IRF2: variants seen among roughly 807,000 people sequenced by gnomAD.
IRF2 encodes the protein interferon regulatory factor 2.
Under a neutral mutation model 40.6 loss-of-function variants are expected in IRF2, and 15 were observed. The ratio of observed to expected loss-of-function variants is 0.37; its 90% confidence interval spans 0.25 to 0.57. The LOEUF (loss-of-function observed/expected upper bound fraction) is 0.57. IRF2 is among the 20% of genes least tolerant of loss of function. IRF2 has a pLI of 0.77. For synonymous variants in IRF2, 151 were observed against 165.5 expected (o/e 0.91, Z 0.67); for missense variants, 317 against 455.7 (o/e 0.70, Z 2.77).
intron 6 of IRF2, among the ~76,000 whole-genome samples, chr4:184,403,191 A>G (rs545031199): frequency 6.6e-6 from 1 of 152,316 alleles, no homozygotes; most frequent in South Asian, 2.1e-4. Context: ...GTGAAAGCCC[A>G]TGAGAGAAGC....
chr4:184,419,385 A>G, intron 3 of IRF2, 84 bp downstream of exon 3: 1 of 942,332 alleles, frequency 1.1e-6, no homozygotes, highest in East Asian at 2.4e-5. Flanking sequence ...TCATGAGGTC[A>G]TAAGCCAGGC....
intron 6 of IRF2, among the ~76,000 whole-genome samples, chr4:184,406,232 CT>C (rs11309106): frequency 0.3 from 40,367 of 134,196 alleles, 5,387 homozygotes; most frequent in East Asian, 0.37. Flanking sequence ...TACTTTTTAT[CT>C]TTTTTTTTTT....
rs1386127005 is a variant in IRF2 at position 184,388,023 on chromosome 4, G to T, written c.*735C>A. The T allele has an allele frequency of 6.6e-6, 1 of 152,614 alleles. No homozygotes were observed. The highest frequency in any genetic ancestry group is 2.4e-5 in the African/African-American group (1 of 41,440). The allele number at this position is 152,614 out of a possible 1,614,324, so 9.5% of individuals were successfully genotyped here. ...TTAGAGTATTTTTGTCTTCAAATCT[G>T]GGAATTTGCATAATATTTCCATGAT... On this transcript the variant is annotated 3_prime_UTR_variant, in exon 9 of 9. Transcript: ENST00000393593. This position sits in a 1 kb window ranked among gnomAD's most constrained non-coding sequence, Gnocchi z 4.6.
At chr4:184,466,657 A>G (rs374956091) in intron 1 of IRF2, among the ~76,000 whole-genome samples, 2 of 152,352 alleles carry the variant, frequency 1.3e-5, no homozygotes, top group South Asian at 4.1e-4. Flanking sequence ...TTGGGGCCTC[A>G]CATAGTGAGT....
intron 6 of IRF2, among the ~76,000 whole-genome samples, chr4:184,405,380 C>T (rs1462974934): frequency 6.6e-6 from 1 of 152,220 alleles, no homozygotes. Context: ...GTGTCCACCC[C>T]TCACTGTGCC....
chr4:184,433,564 T>A (rs1185859308), intron 1 of IRF2, among the ~76,000 whole-genome samples: 1 of 152,200 alleles, frequency 6.6e-6, no homozygotes, highest in Non-Finnish European at 1.5e-5. Context: ...TATAGGTAAC[T>A]TTTAGAAAAA....
At position 184,448,571 on chromosome 4, in the gene IRF2, A is replaced by C. The variant is rs1009158942; in HGVS notation, c.-6-19501T>G. On this transcript the variant is annotated intron_variant, in intron 1 of 8. Coordinates refer to ENST00000393593, the MANE Select transcript of IRF2 (RefSeq NM_002199.4). The surrounding 1 kb of genome is among the most constrained non-coding windows in gnomAD (Gnocchi z 4.3). ...TACCTCCAGCCAAACTTCTGTGCTA[A>C]TTCAATAGAAGTTATTTATGTTTTA... 1.3e-5 allele frequency: 2 copies of C among 152,232 alleles called. No individual in the cohort carries two copies. The highest frequency in any genetic ancestry group is 4.8e-5 in the African/African-American group (2 of 41,462). The allele number at this position is 152,232 out of a possible 1,614,324, so 9.4% of individuals were successfully genotyped here.
At chr4:184,412,567 T>C (rs1428253381) in intron 5 of IRF2, among the ~76,000 whole-genome samples, 1 of 152,196 alleles carries the variant, frequency 6.6e-6, no homozygotes, top group Non-Finnish European at 1.5e-5. Flanking sequence ...ACAGAACGTG[T>C]AGGCTGACAG....
At chr4:184,393,697 T>C (rs1276413323) in intron 7 of IRF2, among the ~76,000 whole-genome samples, 1 of 138,892 alleles carries the variant, frequency 7.2e-6, no homozygotes, top group Non-Finnish European at 1.6e-5. Flanking sequence ...CGTGTCTAGA[T>C]TAAGTTCCAC....
intron 1 of IRF2, among the ~76,000 whole-genome samples, chr4:184,459,300 A>ATT (rs1739050202): frequency 2.0e-5 from 3 of 152,238 alleles, no homozygotes; most frequent in Non-Finnish European, 4.4e-5. Flanking sequence ...ATAATTATTT[A>ATT]CTGCACAGTT....
At chr4:184,402,891 G>A (rs1051287121) in intron 6 of IRF2, among the ~76,000 whole-genome samples, 1 of 152,134 alleles carries the variant, frequency 6.6e-6, no homozygotes, top group South Asian at 2.1e-4. Flanking sequence ...ATAGGACCGT[G>A]TGCCTTAAAA....
intron 1 of IRF2, among the ~76,000 whole-genome samples, chr4:184,439,625 T>C (rs1329132375): frequency 1.3e-5 from 2 of 152,166 alleles, no homozygotes; most frequent in African/African-American, 2.4e-5. Flanking sequence ...ACCACAAAAC[T>C]AGTTTTCCAG....
At chr4:184,418,886 G>T (rs969431886) in intron 3 of IRF2, among the ~76,000 whole-genome samples, 178 bp from the exon 4 acceptor site, 1 of 152,044 alleles carries the variant, frequency 6.6e-6, no homozygotes, top group Admixed American at 6.6e-5. Flanking sequence ...TTGGGATGTG[G>T]GAATTTTGTT....
chr4:184,459,205 C>T (rs149744107), intron 1 of IRF2, among the ~76,000 whole-genome samples: 72 of 152,192 alleles, frequency 4.7e-4, no homozygotes, highest in Admixed American at 2.5e-3. Context: ...AGGGCAGCCG[C>T]GAGGATAAAT....
chr4:184,396,074 G>C (rs983850756), intron 7 of IRF2, among the ~76,000 whole-genome samples: 2 of 152,234 alleles, frequency 1.3e-5, no homozygotes, highest in African/African-American at 4.8e-5. Flanking sequence ...GGAGTGTAAC[G>C]ATGCCTGCAG....
chr4:184,453,647 G>A (rs1738809052), intron 1 of IRF2, among the ~76,000 whole-genome samples: 1 of 152,152 alleles, frequency 6.6e-6, no homozygotes, highest in Non-Finnish European at 1.5e-5. Context: ...TGCAGACACT[G>A]GAGACGTAAC....
Position 184,387,878 on chromosome 4 carries a change from A to C in IRF2, c.*880T>G, listed in dbSNP as rs1230451559. The C allele has an allele frequency of 2.6e-5, 4 of 152,606 alleles. No individual in the cohort carries two copies. The East Asian group carries it at 7.7e-4, about 29-fold the overall frequency. 9.5% of individuals were successfully genotyped at this position (152,606 alleles called of 1,614,324 possible). On this transcript the variant is annotated 3_prime_UTR_variant, in exon 9 of 9. Coordinates refer to ENST00000393593, the MANE Select transcript of IRF2 (RefSeq NM_002199.4). Reference sequence around the variant, plus strand: ...ACAACTGCTGATAAACAAGAAAAGGAATCTTAAAATTATAAATTTGCTGTA... The same window carrying C: ...ACAACTGCTGATAAACAAGAAAAGGCATCTTAAAATTATAAATTTGCTGTA...
At chr4:184,397,745 C>T (rs1303524193) in intron 7 of IRF2, among the ~76,000 whole-genome samples, 1 of 152,182 alleles carries the variant, frequency 6.6e-6, no homozygotes, top group African/African-American at 2.4e-5. Flanking sequence ...TGCAGTTTCC[C>T]AGGATGGGGA....
intron 1 of IRF2, among the ~76,000 whole-genome samples, chr4:184,456,127 C>T (rs1342574234): frequency 1.3e-5 from 2 of 152,208 alleles, no homozygotes; most frequent in African/African-American, 2.4e-5. Context: ...TGATCACGGG[C>T]GTCTGACACA....
Sources: gnomAD v4.1 joint callset for allele counts (sites outside exome capture counted in the v4.1 genomes callset) on GRCh38, gnomAD v4.1.1 for gene constraint, Gnocchi (gnomAD v3.1) non-coding constraint, MANE v1.5 for transcripts, NCBI Gene and HGNC (gene_info 2026-07-23, HGNC 2026-07-21) for gene names.